The following PDCD10 variants were observed in gnomAD, a reference collection of about 807,000 sequenced individuals.
The protein encoded by PDCD10 is programmed cell death protein 10.
In PDCD10, 4 loss-of-function variants were observed where a neutral mutation model predicts 29.2. That is an observed-to-expected ratio of 0.14 (90% CI 0.07 to 0.31). The LOEUF is 0.31. Among genes scored for constraint, PDCD10 ranks in the 10% least tolerant of loss-of-function variants. The pLI is 1.00. For synonymous variants in PDCD10, 70 were observed against 82.2 expected (o/e 0.85, Z 0.80); for missense variants, 183 against 257.9 (o/e 0.71, Z 1.99).
rs148633141 is a variant in PDCD10, at chr3:167,730,482, C to A, written c.-117+3732G>T. On this transcript the variant is annotated intron_variant, in intron 2 of 8. Transcript: ENST00000392750. ...TGCTAGGTAAATATGAAAATTTTAT[C>A]CAAGATTCAAGTAACATCAACACTG... 3.2e-4 allele frequency among the ~76,000 whole-genome samples: 48 copies of A among 152,158 alleles called. No homozygotes were observed. In the East Asian group the frequency reaches 8.5e-3, roughly 27 times the overall value.
At chr3:167,718,815 A>G (rs1723279205) in intron 3 of PDCD10, among the ~76,000 whole-genome samples, 1 of 151,752 alleles carries the variant, frequency 6.6e-6, no homozygotes, top group African/African-American at 2.4e-5. Flanking sequence ...GCAGAAGATA[A>G]GAACTTGAGT....
intron 2 of PDCD10, among the ~76,000 whole-genome samples, chr3:167,729,163 T>C (rs777515284): frequency 6.6e-6 from 1 of 152,134 alleles, no homozygotes; most frequent in Non-Finnish European, 1.5e-5. Context: ...TGTATTATAA[T>C]ATACATATTT....
intron 4 of PDCD10, among the ~76,000 whole-genome samples, chr3:167,699,447 G>T (rs1320499354): frequency 6.6e-6 from 1 of 152,198 alleles, no homozygotes; most frequent in African/African-American, 2.4e-5. Context: ...AGTTTGGAAG[G>T]AGTAGTCTCA....
At chr3:167,710,654 G>A (rs1722438148) in intron 3 of PDCD10, among the ~76,000 whole-genome samples, 1 of 152,232 alleles carries the variant, frequency 6.6e-6, no homozygotes, top group South Asian at 2.1e-4. Context: ...GGACATAAAT[G>A]TGGCTGGCTT....
chr3:167,687,185 C>A, intron 8 of PDCD10, 49 bp downstream of exon 8: 1 of 966,012 alleles, frequency 1.0e-6, no homozygotes, highest in South Asian at 1.4e-5. Flanking sequence ...CATATAAAAC[C>A]ACATAATCTA....
chr3:167,698,013 C>G (rs761475288), intron 4 of PDCD10: 1 of 456,354 alleles, frequency 2.2e-6, no homozygotes, highest in South Asian at 1.5e-5. Flanking sequence ...ACACAATTTA[C>G]GATCTTAATC....
At chr3:167,718,383 T>A (rs1487869543) in intron 3 of PDCD10, among the ~76,000 whole-genome samples, 1 of 151,912 alleles carries the variant, frequency 6.6e-6, no homozygotes, top group Non-Finnish European at 1.5e-5. Flanking sequence ...TTGAAATGAA[T>A]GGGTAAGTAT....
In PDCD10 at chr3:167,687,324, C is replaced by T. The variant is rs760515050; in HGVS notation, c.475-8G>A. On this transcript the variant is annotated splice_polypyrimidine_tract_variant and splice_region_variant and intron_variant, in intron 7 of 8. Coordinates refer to ENST00000392750, the MANE Select transcript of PDCD10 (RefSeq NM_007217.4). ...CTTTTGGTGTTCAAGTGCCTACAGT[C>T]ACAAAATATAATAAGAAATAAAGTA... is the stretch of plus-strand genomic sequence containing the variant. 5 of 1,486,306 alleles carry T rather than the reference C, an allele frequency of 3.4e-6. No individual in the cohort carries two copies. The Admixed American group carries it at 8.4e-5, about 25-fold the overall frequency. The allele number at this position is 1,486,306 out of a possible 1,614,324, so 92.1% of individuals were successfully genotyped here.
chr3:167,723,745 C>A (rs1033548473), intron 2 of PDCD10, among the ~76,000 whole-genome samples: 31 of 152,102 alleles, frequency 2.0e-4, no homozygotes, highest in African/African-American at 7.2e-4. Context: ...AAAATAAAAA[C>A]CAAGAACAAG....
At chr3:167,722,724 C>T (rs939159202) in intron 2 of PDCD10, among the ~76,000 whole-genome samples, 12 of 152,158 alleles carry the variant, frequency 7.9e-5, no homozygotes, top group Non-Finnish European at 1.3e-4. Context: ...TGAACACATA[C>T]GCATATAACT....
intron 3 of PDCD10, among the ~76,000 whole-genome samples, chr3:167,708,836 C>T (rs1559963741): frequency 6.6e-6 from 1 of 152,076 alleles, no homozygotes; most frequent in Admixed American, 6.6e-5. Flanking sequence ...GAAATATATG[C>T]GAAAGATTCC....
intron 3 of PDCD10, among the ~76,000 whole-genome samples, chr3:167,717,433 C>T (rs1723133317): frequency 6.6e-6 from 1 of 152,016 alleles, no homozygotes; most frequent in Non-Finnish European, 1.5e-5. Context: ...TACTATGGTA[C>T]AATTTTGCAG....
At chr3:167,710,536 G>T (rs546915473) in intron 3 of PDCD10, among the ~76,000 whole-genome samples, 7 of 152,322 alleles carry the variant, frequency 4.6e-5, no homozygotes, top group Admixed American at 4.6e-4. Flanking sequence ...AGCCACAGTA[G>T]GAAAGAACAC....
chr3:167,717,183 C>T (rs577885863), intron 3 of PDCD10, among the ~76,000 whole-genome samples: 7 of 152,092 alleles, frequency 4.6e-5, no homozygotes, highest in Non-Finnish European at 8.8e-5. Flanking sequence ...TAGCAAACAT[C>T]GAACTTCCAG....
At chr3:167,717,490 A>G (rs1723139046) in intron 3 of PDCD10, among the ~76,000 whole-genome samples, 1 of 152,080 alleles carries the variant, frequency 6.6e-6, no homozygotes, top group Admixed American at 6.6e-5. Flanking sequence ...CAGCACAGAA[A>G]AAGCCAAACT....
rs1720919719 is a variant in PDCD10 at position 167,697,381 on chromosome 3, C to A, written c.151-255G>T. ...TTAGTATTTTCTACTCTTCTTTATA[C>A]TCTTTTGCAATTGAACTAATAACAA... is the stretch of plus-strand genomic sequence containing the variant. On this transcript the variant is annotated intron_variant, in intron 4 of 8. Transcript: ENST00000392750. Among the ~76,000 whole-genome samples the A allele has an allele frequency of 2.6e-5, 4 of 152,096 alleles. No homozygotes were observed. In the South Asian group the frequency reaches 8.3e-4, roughly 32 times the overall value.
Position 167,683,975 on chromosome 3 carries a change from A to G in PDCD10, c.*333T>C, listed in dbSNP as rs962960517. 4 of 255,750 alleles carry G rather than the reference A, an allele frequency of 1.6e-5. No individual in the cohort carries two copies. Among genetic ancestry groups the G allele is most frequent in the Admixed American group, 4.9e-5 (1 of 20,218 alleles). The allele number at this position is 255,750 out of a possible 1,614,324, so 15.8% of individuals were successfully genotyped here. A position where few individuals can be genotyped will look rare whatever the true frequency, so the allele number is the denominator to read the frequency against. On this transcript the variant is annotated 3_prime_UTR_variant, in exon 9 of 9. Transcript: ENST00000392750. The stretch of plus-strand genomic sequence containing the variant: ...TGTTAAATACATTATCTTGCAGCAT[A>G]TCGCTTTCAAGTTAAAATGTCAGAA...
At chr3:167,697,173 C>T (rs1441864037) in intron 4 of PDCD10, 47 bp from the exon 5 acceptor site, 2 of 999,860 alleles carry the variant, frequency 2.0e-6, no homozygotes, top group Non-Finnish European at 3.2e-6. Flanking sequence ...AAGGAATCAA[C>T]ATTTTAAAGC....
At chr3:167,721,282 C>G (rs1445551866) in intron 2 of PDCD10, among the ~76,000 whole-genome samples, 1 of 152,088 alleles carries the variant, frequency 6.6e-6, no homozygotes, top group Non-Finnish European at 1.5e-5. Context: ...AAAGCAGGCT[C>G]AGAGATAATA....
Sources: gnomAD v4.1 joint callset for allele counts (sites outside exome capture counted in the v4.1 genomes callset) on GRCh38, gnomAD v4.1.1 for gene constraint, MANE v1.5 for transcripts, NCBI Gene and HGNC (gene_info 2026-07-23, HGNC 2026-07-21) for gene names.